NNT: variants seen among roughly 807,000 people sequenced by gnomAD.
NNT encodes the protein nicotinamide nucleotide transhydrogenase.
A neutral mutation model predicts 104.8 loss-of-function variants in NNT; 50 were observed. That is an observed-to-expected ratio of 0.48 (90% CI 0.38 to 0.60). The LOEUF is 0.60. Among genes scored for constraint, NNT ranks in the 20% least tolerant of loss-of-function variants. The probability of loss-of-function intolerance (pLI) is 0.00; values close to 1 mark genes in which losing one functional copy is unlikely to be tolerated. For synonymous variants in NNT, 461 were observed against 490.4 expected, an observed-to-expected ratio of 0.94 and a Z score of 0.79; for missense variants, 1,131 against 1,330.7, an observed-to-expected ratio of 0.85 and a Z score of 2.33.
intron 12 of NNT, among the ~76,000 whole-genome samples, chr5:43,651,067 C>T (rs1205445214): frequency 6.6e-6 from 1 of 151,948 alleles, no homozygotes; most frequent in African/African-American, 2.4e-5. Flanking sequence ...GTATTTTTTT[C>T]TTTTATAATT....
chr5:43,675,200 T>C (rs1451816413), intron 17 of NNT, among the ~76,000 whole-genome samples: 4 of 152,166 alleles, frequency 2.6e-5, no homozygotes, highest in Non-Finnish European at 4.4e-5. Flanking sequence ...CAGTAATAAA[T>C]AGATGTGATT....
At chr5:43,685,135 A>G (rs1741915928) in intron 19 of NNT, among the ~76,000 whole-genome samples, 1 of 152,202 alleles carries the variant, frequency 6.6e-6, no homozygotes, top group South Asian at 2.1e-4. Flanking sequence ...TTCTATTTAA[A>G]CCATTAAGGT....
chr5:43,692,116 A>G (rs1193766926), intron 19 of NNT, among the ~76,000 whole-genome samples: 1 of 152,214 alleles, frequency 6.6e-6, no homozygotes, highest in African/African-American at 2.4e-5. Flanking sequence ...CAGGTGGTTA[A>G]TATTTCTAGC....
At chr5:43,609,529 C>T (rs1231856008) in intron 2 of NNT, among the ~76,000 whole-genome samples, 183 bp downstream of exon 2, 3 of 152,158 alleles carry the variant, frequency 2.0e-5, no homozygotes, top group African/African-American at 7.2e-5. Flanking sequence ...TTCCTGATTT[C>T]CAGCGCTAAC....
At chr5:43,670,647 G>C (rs62368560) in intron 17 of NNT, among the ~76,000 whole-genome samples, 21,450 of 152,100 alleles carry the variant, frequency 0.14, 2,210 homozygotes, top group African/African-American at 0.29. Flanking sequence ...GTCTGAGAGA[G>C]AGTTTGTTAT....
chr5:43,615,921 T>C lies in NNT; in HGVS notation c.455T>C (p.Ile152Thr). The C allele has an allele frequency of 6.2e-7, 1 of 1,614,210 alleles. No homozygotes were observed. Among genetic ancestry groups the C allele is most frequent in the Non-Finnish European group, 8.5e-7 (1 of 1,180,010 alleles). Residue 152 changes from isoleucine (I) to threonine (T), a missense_variant, in exon 4 of 22, where the codon ATT (isoleucine) becomes ACT (threonine). Coordinates refer to ENST00000344920, the MANE Select transcript of NNT (RefSeq NM_182977.3). Reference protein sequence around the residue: ...ADLLKTSGTLISFIYPAQNPE... With the variant: ...ADLLKTSGTLTSFIYPAQNPE... Reference sequence around the variant, plus strand: ...CTTTTAAAGACATCAGGAACGCTGATTAGTTTTATTTACCCAGCCCAAAAT... The same window carrying C: ...CTTTTAAAGACATCAGGAACGCTGACTAGTTTTATTTACCCAGCCCAAAAT...
chr5:43,656,900 T>C (rs577338929), intron 16 of NNT, 87 bp downstream of exon 16: 20 of 1,244,498 alleles, frequency 1.6e-5, no homozygotes, highest in Non-Finnish European at 2.1e-5. Context: ...TTTTTATCTC[T>C]TCAAGAACCT....
In NNT at chr5:43,653,152, A is replaced by G. The variant is rs147914179; in HGVS notation, c.1998A>G (p.Leu666=). The change falls in exon 14 of 22, where the codon CTA becomes CTG. Residue 666 remains leucine (L), a synonymous_variant. Transcript: ENST00000344920. ...GACTGGCAGCCACCCTCGGAGTCCT[A>G]AAACCGGGCCCAGAATTACTAGCTC... The part of the protein sequence containing the change: ...AGGLAATLGV[L]KPGPELLAQM... The G allele has an allele frequency of 3.9e-5, 63 of 1,614,010 alleles. No individual in the cohort carries two copies. The highest frequency in any genetic ancestry group is 4.7e-5 in the Non-Finnish European group (55 of 1,180,030).
At chr5:43,603,894 G>A (rs1356642992) in intron 1 of NNT, among the ~76,000 whole-genome samples, 1 of 152,150 alleles carries the variant, frequency 6.6e-6, no homozygotes, top group Admixed American at 6.5e-5. Context: ...GCCTAGGCTG[G>A]TGAGGAGGAA....
At chr5:43,677,881 C>G in intron 19 of NNT, 75 bp downstream of exon 19, 1 of 1,185,262 alleles carries the variant, frequency 8.4e-7, no homozygotes. Flanking sequence ...ACAGTGGACC[C>G]TTGAACAATG....
intron 6 of NNT, among the ~76,000 whole-genome samples, chr5:43,626,711 A>C (rs930964051): frequency 1.3e-5 from 2 of 151,328 alleles, no homozygotes; most frequent in Non-Finnish European, 2.9e-5. Context: ...TGCTAGTGAT[A>C]TTTTGGTGTA....
chr5:43,612,827 A>G (rs1354894949), intron 2 of NNT, 81 bp from the exon 3 acceptor site: 2 of 1,022,954 alleles, frequency 2.0e-6, no homozygotes, highest in Admixed American at 4.2e-5. Context: ...GCTCCTTTCA[A>G]TTTTCTGAAA....
intron 19 of NNT, among the ~76,000 whole-genome samples, chr5:43,699,354 T>TC (rs1202988922): frequency 1.2e-4 from 1 of 8,558 alleles, no homozygotes; most frequent in Non-Finnish European, 2.6e-4. Context: ...TCTCCCTACC[T>TC]TTTTTTTTTT....
intron 17 of NNT, among the ~76,000 whole-genome samples, chr5:43,661,357 T>C (rs1158096998): frequency 1.3e-5 from 2 of 152,170 alleles, no homozygotes; most frequent in Non-Finnish European, 2.9e-5. Flanking sequence ...ATTTTCATTA[T>C]TACTTAAACT....
At chr5:43,614,891 A>G (rs1214956456) in intron 3 of NNT, among the ~76,000 whole-genome samples, 1 of 151,916 alleles carries the variant, frequency 6.6e-6, no homozygotes, top group Non-Finnish European at 1.5e-5. Flanking sequence ...TAATCCCAGC[A>G]CTTTGGGAGG....
chr5:43,613,125 T>G lies in NNT; in HGVS notation c.369T>G (p.Asp123Glu). ...IQGAKEVLASDLVVKVRAPMV... is the reference protein window; with the variant it reads ...IQGAKEVLASELVVKVRAPMV... The stretch of plus-strand genomic sequence containing the variant: ...GGGCAAAGGAAGTGCTGGCTTCTGA[T>G]TTGGTGGTCAAAGTAATTATTCCTT... The change falls in exon 3 of 22, where the codon GAT becomes GAG. Residue 123 changes from aspartate to glutamate, a missense_variant. Asp to Glu is a conservative substitution (Grantham distance 45). Transcript: ENST00000344920. The G allele has an allele frequency of 6.2e-7, 1 of 1,612,422 alleles. No individual in the cohort carries two copies. Among genetic ancestry groups the G allele is most frequent in the Middle Eastern group, 1.7e-4 (1 of 6,060 alleles).
intron 5 of NNT, among the ~76,000 whole-genome samples, chr5:43,619,996 C>T (rs887458053): frequency 1.1e-4 from 16 of 152,138 alleles, no homozygotes; most frequent in Admixed American, 9.8e-4. Flanking sequence ...GAGAACTCAG[C>T]CCCCCACTCC....
intron 7 of NNT, among the ~76,000 whole-genome samples, chr5:43,633,278 T>G (rs188935776): frequency 7.0e-4 from 106 of 152,348 alleles, no homozygotes; most frequent in Non-Finnish European, 2.8e-4. Flanking sequence ...GAGGTATTTC[T>G]TGGCTTTCAT....
rs1026642540 is a variant in NNT at position 43,675,674 on chromosome 5, A to T, written c.2794+4A>T. ...AATAGCATTATTATTACACCAGGTA[A>T]AGAAAAAAAGCAAAAGCAAATAACC... On this transcript the variant is annotated splice_donor_region_variant and intron_variant, in intron 18 of 21. Coordinates refer to ENST00000344920, the MANE Select transcript of NNT (RefSeq NM_182977.3). 6.3e-7 allele frequency: 1 copy of T among 1,583,688 alleles called. No homozygotes were observed. The highest frequency in any genetic ancestry group is 1.4e-5 in the African/African-American group (1 of 73,702).
Sources: gnomAD v4.1 joint callset for allele counts (sites outside exome capture counted in the v4.1 genomes callset) on GRCh38, gnomAD v4.1.1 for gene constraint, MANE v1.5 for transcripts, NCBI Gene and HGNC (gene_info 2026-07-23, HGNC 2026-07-21) for gene names.